The following ASCC2 variants were observed in gnomAD, a reference collection of about 807,000 sequenced individuals.
The protein encoded by ASCC2 is activating signal cointegrator 1 complex subunit 2.
Under a neutral mutation model 93.5 loss-of-function variants are expected in ASCC2, and 42 were observed. The observed-to-expected ratio is 0.45, with a 90% CI of 0.35 to 0.58. The LOEUF is 0.58. Ranked by LOEUF, ASCC2 falls within the 20% of genes least tolerant of loss-of-function variation. The probability of loss-of-function intolerance (pLI) is 0.00; values close to 1 mark genes in which losing one functional copy is unlikely to be tolerated. For synonymous variants in ASCC2, 364 were observed against 384.2 expected, an observed-to-expected ratio of 0.95 and a Z score of 0.62; for missense variants, 859 against 977.6, an observed-to-expected ratio of 0.88 and a Z score of 1.62.
At chr22:29,818,403 TAC>T (rs35685093) in intron 5 of ASCC2, among the ~76,000 whole-genome samples, 513 of 107,616 alleles carry the variant, frequency 4.8e-3, no homozygotes, top group South Asian at 0.01. Flanking sequence ...ACTCCCTGCC[TAC>T]ACACACACAC....
intron 9 of ASCC2, among the ~76,000 whole-genome samples, chr22:29,807,162 G>A (rs1323857726): frequency 2.0e-5 from 3 of 146,540 alleles, no homozygotes; most frequent in Admixed American, 7.0e-5. Flanking sequence ...GATCGCATTC[G>A]CCTGGGAGGT....
intron 5 of ASCC2, 47 bp downstream of exon 5, chr22:29,822,288 T>C: frequency 6.2e-7 from 1 of 1,607,838 alleles, no homozygotes; most frequent in Non-Finnish European, 8.5e-7. Flanking sequence ...TAGTTTGGCA[T>C]GTGGGGGCCA....
Position 29,825,885 on chromosome 22 carries a change from C to G in ASCC2, c.82-105G>C. 1 of 1,350,844 alleles carries G rather than the reference C, an allele frequency of 7.4e-7. No homozygotes were observed. The highest frequency in any genetic ancestry group is 2.3e-5 in the Admixed American group (1 of 43,546). 83.7% of individuals were successfully genotyped at this position (1,350,844 alleles called of 1,614,324 possible). A position where few individuals can be genotyped will look rare whatever the true frequency, so the allele number is the denominator to read the frequency against. ...CACTTGGCTGTTCCAACCGGTGACC[C>G]TCCAAGGAGCTTTTAAGCATAAAGA... On this transcript the variant is annotated intron_variant, in intron 2 of 19. Coordinates refer to ENST00000307790, the MANE Select transcript of ASCC2 (RefSeq NM_032204.5). The surrounding 1 kb of genome is among the most constrained non-coding windows in gnomAD (Gnocchi z 4.9).
At position 29,793,550 on chromosome 22, in the gene ASCC2, AGCAGAGACCTGGCCTT is replaced by A; in HGVS notation, c.1788+11_1788+26del. 1 of 1,613,722 alleles carries A rather than the reference AGCAGAGACCTGGCCTT, an allele frequency of 6.2e-7. No homozygotes were observed. The highest frequency in any genetic ancestry group is 8.5e-7 in the Non-Finnish European group (1 of 1,179,908). Reference sequence around the variant, plus strand: ...GGGGCTGGCCTGGTTTCCCTGGCCCAGCAGAGACCTGGCCTTGGTGGCCTACCTCCTCCACCACCAC... The same window carrying A: ...GGGGCTGGCCTGGTTTCCCTGGCCCAGGTGGCCTACCTCCTCCACCACCAC... On this transcript the variant is annotated intron_variant, in intron 16 of 19. Transcript: ENST00000307790.
chr22:29,790,640 T>A, intron 18 of ASCC2, 92 bp from the exon 19 acceptor site: 1 of 1,288,944 alleles, frequency 7.8e-7, no homozygotes, highest in Non-Finnish European at 1.1e-6. Flanking sequence ...AGCTTGTCGA[T>A]GCCTCCATGC....
intron 13 of ASCC2, among the ~76,000 whole-genome samples, chr22:29,804,112 C>T (rs2059405418): frequency 6.6e-6 from 1 of 152,244 alleles, no homozygotes; most frequent in Admixed American, 6.5e-5. Flanking sequence ...TGCCTCCCAA[C>T]ATGCAGGGGA....
At chr22:29,810,781 A>G (rs899026610) in intron 8 of ASCC2, among the ~76,000 whole-genome samples, 13 of 150,778 alleles carry the variant, frequency 8.6e-5, no homozygotes, top group Non-Finnish European at 1.3e-4. Flanking sequence ...CCCAGGCTGG[A>G]GGGCAGTGGT....
At chr22:29,835,495 T>C (rs1298139164) in intron 1 of ASCC2, among the ~76,000 whole-genome samples, 4 of 151,992 alleles carry the variant, frequency 2.6e-5, no homozygotes, top group African/African-American at 7.3e-5. Context: ...CCTGGTGTGG[T>C]GGTAGGGAGA....
chr22:29,835,053 T>A (rs1170647324), intron 1 of ASCC2, among the ~76,000 whole-genome samples: 1 of 152,108 alleles, frequency 6.6e-6, no homozygotes, highest in African/African-American at 2.4e-5. Context: ...CCCTTTAACC[T>A]CTAGGCCCCA....
intron 7 of ASCC2, 67 bp downstream of exon 7, chr22:29,814,590 T>G (rs1433612983): frequency 1.5e-6 from 2 of 1,363,112 alleles, no homozygotes. Flanking sequence ...CTTCCCAGCC[T>G]CTGGGTAGCT....
intron 5 of ASCC2, among the ~76,000 whole-genome samples, chr22:29,821,621 G>A (rs1293600151): frequency 1.3e-5 from 2 of 152,246 alleles, no homozygotes; most frequent in African/African-American, 4.8e-5. Flanking sequence ...GGTTAGCTTA[G>A]TTATCACTGC....
chr22:29,793,459 T>C lies in ASCC2; in HGVS notation c.1820A>G (p.Tyr607Cys). The stretch of plus-strand genomic sequence containing the variant: ...CTCATCCTCGTAGTAGACACTGTGG[T>C]AGGGCAGGCTCTCGCCTGGCTGCAG... ...VPLQPGESLPYHSVYYEDEYD... is the reference protein window; with the variant it reads ...VPLQPGESLPCHSVYYEDEYD... The change falls in exon 17 of 20, where the codon TAC becomes TGC. Residue 607 changes from tyrosine to cysteine, a missense_variant. Transcript: ENST00000307790. 6.2e-7 allele frequency: 1 copy of C among 1,614,136 alleles called. No homozygotes were observed. The highest frequency in any genetic ancestry group is 1.1e-5 in the South Asian group (1 of 91,084).
chr22:29,819,473 A>G (rs921693882), intron 5 of ASCC2, among the ~76,000 whole-genome samples: 16 of 152,198 alleles, frequency 1.1e-4, no homozygotes, highest in Middle Eastern at 6.8e-3. Context: ...CAACAACCCA[A>G]TGTAATCCCT....
intron 1 of ASCC2, chr22:29,833,637 G>A (rs535601305): frequency 4.5e-5 from 21 of 470,888 alleles, no homozygotes; most frequent in Middle Eastern, 6.5e-4. Flanking sequence ...AGGGACATAC[G>A]TGTTAAATGA....
chr22:29,835,757 G>C (rs1172209177), intron 1 of ASCC2, among the ~76,000 whole-genome samples: 2 of 152,158 alleles, frequency 1.3e-5, no homozygotes, highest in Admixed American at 1.3e-4. Context: ...CCCAACCAGA[G>C]GCAAGACACT....
chr22:29,832,448 G>T, intron 1 of ASCC2, 106 bp from the exon 2 acceptor site: 1 of 827,356 alleles, frequency 1.2e-6, no homozygotes, highest in Non-Finnish European at 1.9e-6. Flanking sequence ...TCAACCTCTC[G>T]CCTTAGGAGG....
In ASCC2 at chr22:29,832,314, C is replaced by G; in HGVS notation, c.12G>C (p.Leu4=). 6.2e-7 allele frequency: 1 copy of G among 1,613,772 alleles called. No individual in the cohort carries two copies. Among genetic ancestry groups the G allele is most frequent in the Non-Finnish European group, 8.5e-7 (1 of 1,179,824 alleles). Residue 4 remains leucine (L), a synonymous_variant, in exon 2 of 20, where the codon CTG becomes CTC. Transcript: ENST00000307790. ...GGGTGATCTGGAGTTGGTCCAGGGGCAGAGCTGGCATTGTGCTGCGTGACC... is the reference window on the plus strand; with the variant it reads ...GGGTGATCTGGAGTTGGTCCAGGGGGAGAGCTGGCATTGTGCTGCGTGACC... MPA[L]PLDQLQITHK... is the part of the protein sequence containing the mutation.
chr22:29,790,319 G>A, intron 19 of ASCC2, 150 bp downstream of exon 19: 1 of 743,190 alleles, frequency 1.3e-6, no homozygotes, highest in Non-Finnish European at 2.2e-6. Context: ...AATAAGGATA[G>A]TGATAATGGT....
At chr22:29,814,805 G>T (rs748468153) in intron 6 of ASCC2, 38 bp from the exon 7 acceptor site, 2 of 1,559,758 alleles carry the variant, frequency 1.3e-6, no homozygotes, top group Non-Finnish European at 1.8e-6. Flanking sequence ...ACATCATACT[G>T]AACCAGGGCT....
Sources: allele counts gnomAD v4.1 joint callset (sites outside exome capture counted in the v4.1 genomes callset), GRCh38; gene constraint gnomAD v4.1.1; non-coding constraint Gnocchi (gnomAD v3.1); transcripts MANE v1.5; gene names NCBI Gene and HGNC (gene_info 2026-07-23, HGNC 2026-07-21).